The following SHISA9 variants were observed in gnomAD, a reference collection of about 807,000 sequenced individuals.
SHISA9 encodes the protein shisa family member 9, also known as protein shisa-9.
Under a neutral mutation model 38.0 loss-of-function variants are expected in SHISA9, and 13 were observed. The ratio of observed to expected loss-of-function variants is 0.34; its 90% CI spans 0.22 to 0.54. The LOEUF (loss-of-function observed/expected upper bound fraction) is 0.54, where lower values mean the gene tolerates loss of function less well. SHISA9 is among the 20% of genes least tolerant of loss of function. The pLI, the probability that SHISA9 is intolerant of heterozygous loss-of-function variation, is 0.91. For synonymous variants in SHISA9, 275 were observed against 242.0 expected (o/e 1.14, Z -1.27); for missense variants, 538 against 575.8 (o/e 0.93, Z 0.67).
the SHISA9 span, among the ~76,000 whole-genome samples, chr16:13,555,701 C>T: frequency 2.0e-5 from 3 of 152,022 alleles, no homozygotes; most frequent in African/African-American, 7.3e-5. Flanking sequence ...CGAGTACTGG[C>T]CCCACTGAGC....
At chr16:13,294,447 A>G in the SHISA9 span, among the ~76,000 whole-genome samples, 1 of 152,156 alleles carries the variant, frequency 6.6e-6, no homozygotes, top group East Asian at 1.9e-4. Context: ...TTCCTTCTCA[A>G]TAGTGATGCA....
chr16:13,287,837 C>G, the SHISA9 span, among the ~76,000 whole-genome samples: 1 of 152,240 alleles, frequency 6.6e-6, no homozygotes, highest in South Asian at 2.1e-4. Flanking sequence ...TAAATGGAGG[C>G]CTCCTAGAAC....
At chr16:13,552,652 AG>A in the SHISA9 span, among the ~76,000 whole-genome samples, 13 of 152,196 alleles carry the variant, frequency 8.5e-5, no homozygotes, top group Non-Finnish European at 1.6e-4. Context: ...ATTTAAAGCC[AG>A]GTTGGCTTTG....
chr16:12,910,927 A>AC (rs1281951766), intron 1 of SHISA9: 1 of 185,946 alleles, frequency 5.4e-6, no homozygotes, highest in Non-Finnish European at 1.0e-5. Flanking sequence ...AGGCTCACTC[A>AC]CATTAGAAGG....
At chr16:13,315,402 A>G in the SHISA9 span, among the ~76,000 whole-genome samples, 3 of 152,190 alleles carry the variant, frequency 2.0e-5, no homozygotes, top group East Asian at 5.8e-4. Context: ...TACAGTACCC[A>G]ATCTTTAGTA....
At chr16:13,233,891 CT>C (rs1319702733) in intron 4 of SHISA9, among the ~76,000 whole-genome samples, 1 of 152,058 alleles carries the variant, frequency 6.6e-6, no homozygotes, top group Non-Finnish European at 1.5e-5. Flanking sequence ...TGATGCTTGC[CT>C]GTGGTCCCAG....
intron 2 of SHISA9, among the ~76,000 whole-genome samples, chr16:13,066,560 T>C (rs2073437164): frequency 6.6e-6 from 1 of 152,214 alleles, no homozygotes; most frequent in Admixed American, 6.5e-5. Context: ...AATGAACTGA[T>C]TGATAATGGG....
intron 2 of SHISA9, among the ~76,000 whole-genome samples, chr16:13,018,926 C>T (rs1002963722): frequency 6.6e-6 from 1 of 152,180 alleles, no homozygotes; most frequent in African/African-American, 2.4e-5. Flanking sequence ...ACTCCTCAGC[C>T]CATGCATTAC....
the SHISA9 span, among the ~76,000 whole-genome samples, chr16:13,352,476 G>A: frequency 6.6e-6 from 1 of 152,078 alleles, no homozygotes; most frequent in African/African-American, 2.4e-5. Context: ...GGAGATGGGA[G>A]CGTAGCTATA....
chr16:13,012,590 C>G (rs574225625), intron 2 of SHISA9, among the ~76,000 whole-genome samples: 83 of 152,272 alleles, frequency 5.5e-4, no homozygotes, highest in South Asian at 4.6e-3. Context: ...TGGTACTAAA[C>G]AAGCTACCTT....
the SHISA9 span, among the ~76,000 whole-genome samples, chr16:13,320,151 C>T: frequency 5.3e-5 from 8 of 151,592 alleles, no homozygotes; most frequent in Admixed American, 2.0e-4. Flanking sequence ...ATTAGCCTGG[C>T]GTGGTGGCAT....
chr16:13,391,819 A>C, the SHISA9 span, among the ~76,000 whole-genome samples: 1 of 152,232 alleles, frequency 6.6e-6, no homozygotes. Context: ...AGCTCAATAA[A>C]TGACTGTACC....
At chr16:12,906,285 G>T (rs2141706152) in intron 1 of SHISA9, among the ~76,000 whole-genome samples, 1 of 152,306 alleles carries the variant, frequency 6.6e-6, no homozygotes, top group South Asian at 2.1e-4. Context: ...AAGACATAAA[G>T]TATGTTGTCG....
chr16:13,255,252 C>G, the SHISA9 span, among the ~76,000 whole-genome samples: 1 of 151,994 alleles, frequency 6.6e-6, no homozygotes, highest in East Asian at 1.9e-4. Flanking sequence ...TTCTGTCTCT[C>G]TCTCTCCCTC....
At chr16:13,556,189 GTTAAATATTAAGTC>G in the SHISA9 span, among the ~76,000 whole-genome samples, 1 of 152,136 alleles carries the variant, frequency 6.6e-6, no homozygotes, top group Admixed American at 6.5e-5. Flanking sequence ...TACTAAACAT[GTTAAATATTAAGTC>G]ATTCTGCTAA....
chr16:13,478,810 C>G, the SHISA9 span, among the ~76,000 whole-genome samples: 1 of 152,158 alleles, frequency 6.6e-6, no homozygotes, highest in African/African-American at 2.4e-5. Flanking sequence ...GGACTTGGAT[C>G]TAATGAATCC....
At chr16:13,367,789 C>A in the SHISA9 span, among the ~76,000 whole-genome samples, 1 of 150,664 alleles carries the variant, frequency 6.6e-6, no homozygotes, top group African/African-American at 2.4e-5. Context: ...GCTAACAAAC[C>A]CTTACTTACT....
the SHISA9 span, among the ~76,000 whole-genome samples, chr16:13,509,532 G>C: frequency 6.6e-6 from 1 of 152,160 alleles, no homozygotes; most frequent in East Asian, 1.9e-4. Context: ...TAAAGCCTCA[G>C]GCATGGAGCC....
At chr16:12,936,374 T>G (rs2071533240) in intron 2 of SHISA9, among the ~76,000 whole-genome samples, 1 of 152,198 alleles carries the variant, frequency 6.6e-6, no homozygotes, top group Non-Finnish European at 1.5e-5. Flanking sequence ...AATGTCATAT[T>G]CTCTTACCTT....
Sources: allele counts gnomAD v4.1 joint callset (sites outside exome capture counted in the v4.1 genomes callset), GRCh38; gene constraint gnomAD v4.1.1; transcripts MANE v1.5; gene names NCBI Gene and HGNC (gene_info 2026-07-23, HGNC 2026-07-21).